The following ZNF319 variants were observed in gnomAD, a reference collection of about 807,000 sequenced individuals.
ZNF319 encodes zinc finger protein 319.
A neutral mutation model predicts 46.0 loss-of-function variants in ZNF319; 15 were observed. The observed-to-expected ratio is 0.33, with a 90% CI of 0.22 to 0.50. The LOEUF (loss-of-function observed/expected upper bound fraction) is 0.50, where lower values mean the gene tolerates loss of function less well. ZNF319 is among the 20% of genes least tolerant of loss of function. ZNF319 has a pLI of 0.98. For missense variants in ZNF319, 635 were observed against 807.0 expected (o/e 0.79, Z 2.58); for synonymous variants, 368 against 364.0 (o/e 1.01, Z -0.13).
In ZNF319 at chr16:57,996,625, G is replaced by A. The variant is rs544351076; in HGVS notation, c.1641C>T (p.Cys547=). The change falls in exon 2 of 2, where the codon TGC becomes TGT. Residue 547 remains cysteine (C), a synonymous_variant. Transcript: ENST00000299237. ...AGGCCACGTCTAGGAAGCGCTCCCCGCACCATACACACTTGAACTGCTGCT... is the reference window on the plus strand; with the variant it reads ...AGGCCACGTCTAGGAAGCGCTCCCCACACCATACACACTTGAACTGCTGCT... ...AREQQFKCVW[C]GERFLDVALL... 11 of 1,610,556 alleles carry A rather than the reference G, an allele frequency of 6.8e-6. No homozygotes were observed. The African/African-American group carries it at 1.1e-4, about 16-fold the overall frequency.
rs1362181238 is a variant in ZNF319, at chr16:57,996,718, G to A, written c.1548C>T (p.Cys516=). 2 of 1,611,348 alleles carry A rather than the reference G, an allele frequency of 1.2e-6. No homozygotes were observed. Among genetic ancestry groups the A allele is most frequent in the Non-Finnish European group, 1.7e-6 (2 of 1,178,832 alleles). ...RVHTGEKPYK[C]PNCDKAFKQR... ...GCTTGAAGGCCTTGTCGCAGTTGGG[G>A]CACTTGTAGGGCTTCTCGCCTGTGT... Residue 516 remains cysteine (C), a synonymous_variant, in exon 2 of 2, where the codon TGC becomes TGT. Coordinates refer to ENST00000299237, the MANE Select transcript of ZNF319 (RefSeq NM_020807.3).
In ZNF319 at chr16:57,997,464, T is replaced by C; in HGVS notation, c.802A>G (p.Lys268Glu). ...TGGCGCACCAGGTGAGAGCGGTGCT[T>C]GAAGGTCTTCTCGCAGACTGCGCAC... The part of the protein sequence containing the change: ...YKCAVCEKTF[K>E]HRSHLVRHMY... Residue 268 changes from lysine (K) to glutamate (E), a missense_variant, in exon 2 of 2, where the codon AAG becomes GAG. Lys to Glu is a moderately conservative substitution (Grantham distance 56). Coordinates refer to ENST00000299237, the MANE Select transcript of ZNF319 (RefSeq NM_020807.3). 2 of 1,613,616 alleles carry C rather than the reference T, an allele frequency of 1.2e-6. No homozygotes were observed. The highest frequency in any genetic ancestry group is 1.7e-6 in the Non-Finnish European group (2 of 1,179,924).
chr16:57,996,775 G>A lies in ZNF319; in HGVS notation c.1491C>T (p.Tyr497=), dbSNP rs372922346. 2 of 1,611,888 alleles carry A rather than the reference G, an allele frequency of 1.2e-6. No individual in the cohort carries two copies. The highest frequency in any genetic ancestry group is 1.1e-5 in the South Asian group (1 of 90,816). ...KCPDCEKRFK[Y]ASDLQRHRRV... ...GCCGGTGCCGCTGCAGGTCTGACGC[G>A]TACTTGAAGCGTTTCTCGCAGTCTG... Residue 497 remains tyrosine, a synonymous_variant, in exon 2 of 2, where the codon TAC becomes TAT. Transcript: ENST00000299237.
chr16:57,997,859 AC>A lies in ZNF319; in HGVS notation c.406del (p.Val136SerfsTer23). 1 of 1,613,028 alleles carries A rather than the reference AC, an allele frequency of 6.2e-7. No individual in the cohort carries two copies. ...QAEQKPFVCGVCKMGFSLLTS... is the reference protein window; with the variant it reads ...QAEQKPFVCGXCKMGFSLLTS... ...GAGTAGTGAGAAGCCCATCTTGCAGACCCCACAGACGAAGGGCTTCTGCTCA... is the reference window on the plus strand; with the variant it reads ...GAGTAGTGAGAAGCCCATCTTGCAGACCCACAGACGAAGGGCTTCTGCTCA... On this transcript the variant is annotated frameshift_variant, in exon 2 of 2. Transcript: ENST00000299237. LOFTEE classifies it high-confidence loss of function.
In ZNF319 at chr16:57,997,939, A is replaced by G. The variant is rs748007255; in HGVS notation, c.327T>C (p.Cys109=). The stretch of plus-strand genomic sequence containing the variant: ...CAGTGGCCTGGTGGAAGATCTTGAG[A>G]CACTGTGTGCACTGGAATGAGCGGT... ...GHDRSFQCTQ[C]LKIFHQATDL... The change falls in exon 2 of 2, where the codon TGT becomes TGC. Residue 109 remains cysteine, a synonymous_variant. Transcript: ENST00000299237. 7.4e-6 allele frequency: 12 copies of G among 1,613,538 alleles called. No homozygotes were observed. Among genetic ancestry groups the G allele is most frequent in the Non-Finnish European group, 1.0e-5 (12 of 1,180,030 alleles).
chr16:57,997,297 G>A lies in ZNF319; in HGVS notation c.969C>T (p.Ala323=), dbSNP rs1351526140. ...RPFRCGECQK[A]FKRPSDLRQH... is the part of the protein sequence containing the mutation. ...GCCGCAGGTCCGAGGGCCGCTTGAA[G>A]GCCTTCTGGCACTCGCCGCAGCGGA... The change falls in exon 2 of 2, where the codon GCC becomes GCT. Residue 323 remains alanine (A), a synonymous_variant. Transcript: ENST00000299237. 1 of 1,610,910 alleles carries A rather than the reference G, an allele frequency of 6.2e-7. No homozygotes were observed.
rs765476940 is a variant in ZNF319, at chr16:57,996,717, G to A, written c.1549C>T (p.Pro517Ser). 6.2e-7 allele frequency: 1 copy of A among 1,611,406 alleles called. No homozygotes were observed. Among genetic ancestry groups the A allele is most frequent in the Non-Finnish European group, 8.5e-7 (1 of 1,178,836 alleles). The change falls in exon 2 of 2, where the codon CCC (proline) becomes TCC (serine). Residue 517 changes from proline to serine, a missense_variant. Physicochemically the swap from Pro to Ser is moderately conservative, Grantham distance 74. This residue lies in a region of ZNF319 where 270 missense variants were observed against 281.4 expected (regional missense o/e 0.96). Coordinates refer to ENST00000299237, the MANE Select transcript of ZNF319 (RefSeq NM_020807.3). ...TGCTTGAAGGCCTTGTCGCAGTTGG[G>A]GCACTTGTAGGGCTTCTCGCCTGTG... The part of the protein sequence containing the change: ...VHTGEKPYKC[P>S]NCDKAFKQRE...
Position 57,997,203 on chromosome 16 carries a change from G to T in ZNF319, c.1063C>A (p.Gln355Lys). 6.2e-7 allele frequency: 1 copy of T among 1,613,156 alleles called. No individual in the cohort carries two copies. The change falls in exon 2 of 2, where the codon CAG becomes AAG. Residue 355 changes from glutamine to lysine, a missense_variant. Transcript: ENST00000299237. Reference sequence around the variant, plus strand: ...CGCCGGTGGCGCATCAGTGCGTACTGCTGCTTGAAGCCCATGGGGCACAGG... The same window carrying T: ...CGCCGGTGGCGCATCAGTGCGTACTTCTGCTTGAAGCCCATGGGGCACAGG... ...CDLCPMGFKQ[Q>K]YALMRHRRTH...
rs1456205126 is a variant in ZNF319, at chr16:57,996,606, C to T, written c.1660G>A (p.Val554Met). The T allele has an allele frequency of 1.9e-6, 3 of 1,607,136 alleles. No homozygotes were observed. The highest frequency in any genetic ancestry group is 2.2e-5 in the South Asian group (2 of 90,848). ...CVWCGERFLD[V>M]ALLQEHSAQH... ...GCGCTGTGCTCCTGCAACAAGGCCA[C>T]GTCTAGGAAGCGCTCCCCGCACCAT... Residue 554 changes from valine (V) to methionine (M), a missense_variant, in exon 2 of 2, where the codon GTG becomes ATG. By Grantham distance (21) the Val-to-Met change is conservative (BLOSUM62 1). Transcript: ENST00000299237.
Position 57,995,476 on chromosome 16 carries a change from T to TG in ZNF319, c.*1040dup, listed in dbSNP as rs533630959. ...AGCCACATTGATGTAGGGAGGGTAC[T>TG]GGGGGGGTCCCCACCCTGGCCTAGT... On this transcript the variant is annotated 3_prime_UTR_variant, in exon 2 of 2. Transcript: ENST00000299237. The TG allele has an allele frequency of 7.4e-4, 113 of 152,852 alleles. No homozygotes were observed. Among genetic ancestry groups the TG allele is most frequent in the Admixed American group, 5.4e-3 (83 of 15,310 alleles). 9.5% of individuals were successfully genotyped at this position (152,852 alleles called of 1,614,324 possible).
At position 57,996,831 on chromosome 16, in the gene ZNF319, C is replaced by T. The variant is rs764030023; in HGVS notation, c.1435G>A (p.Asp479Asn). ...SSSEFVQHRC[D>N]PAREKPLKCP... ...TTGAGTGGCTTCTCGCGGGCCGGAT[C>T]GCAGCGGTGCTGCACGAACTCGGAA... is the stretch of plus-strand genomic sequence containing the variant. The change falls in exon 2 of 2, where the codon GAT becomes AAT. Residue 479 changes from aspartate (D) to asparagine (N), a missense_variant. Physicochemically the swap from Asp to Asn is conservative, Grantham distance 23. Coordinates refer to ENST00000299237, the MANE Select transcript of ZNF319 (RefSeq NM_020807.3). 3.7e-6 allele frequency: 6 copies of T among 1,606,762 alleles called. No homozygotes were observed. In the African/African-American group the frequency reaches 4.0e-5, roughly 11 times the overall value.
rs1962993901 is a variant in ZNF319 at position 57,995,469 on chromosome 16, A to T, written c.*1048T>A. 6.5e-6 allele frequency: 1 copy of T among 152,692 alleles called. No homozygotes were observed. Among genetic ancestry groups the T allele is most frequent in the Non-Finnish European group, 1.5e-5 (1 of 68,126 alleles). 9.5% of individuals were successfully genotyped at this position (152,692 alleles called of 1,614,324 possible). On this transcript the variant is annotated 3_prime_UTR_variant, in exon 2 of 2. Coordinates refer to ENST00000299237, the MANE Select transcript of ZNF319 (RefSeq NM_020807.3). ...GGCCAGCAGCCACATTGATGTAGGG[A>T]GGGTACTGGGGGGGTCCCCACCCTG...
rs1374423091 is a variant in ZNF319 at position 57,995,557 on chromosome 16, G to A, written c.*960C>T. The A allele has an allele frequency of 1.3e-5, 2 of 152,826 alleles. No homozygotes were observed. Among genetic ancestry groups the A allele is most frequent in the Non-Finnish European group, 2.9e-5 (2 of 68,164 alleles). 9.5% of individuals were successfully genotyped at this position (152,826 alleles called of 1,614,324 possible). ...GACTGGGGCTGTGCCCCAAGCCCCT[G>A]ACGCTTTGGTTCACACAATTCAGGG... On this transcript the variant is annotated 3_prime_UTR_variant, in exon 2 of 2. Coordinates refer to ENST00000299237, the MANE Select transcript of ZNF319 (RefSeq NM_020807.3).
In ZNF319 at chr16:57,996,203, C is replaced by A. The variant is rs567202740; in HGVS notation, c.*314G>T. On this transcript the variant is annotated 3_prime_UTR_variant, in exon 2 of 2. Transcript: ENST00000299237. ...AGGGAGAAGCCACTTGACTTCCAGCCTGGCTCCAGTGCCCCGGAAATAAGG... is the reference window on the plus strand; with the variant it reads ...AGGGAGAAGCCACTTGACTTCCAGCATGGCTCCAGTGCCCCGGAAATAAGG... 53 of 395,750 alleles carry A rather than the reference C, an allele frequency of 1.3e-4. No individual in the cohort carries two copies. Among genetic ancestry groups the A allele is most frequent in the Non-Finnish European group, 1.3e-4 (29 of 222,682 alleles). The allele number at this position is 395,750 out of a possible 1,614,324, so 24.5% of individuals were successfully genotyped here.
chr16:57,997,659 T>C lies in ZNF319; in HGVS notation c.607A>G (p.Ser203Gly). The part of the protein sequence containing the change: ...TPAEQADKPY[S>G]CPICQKPFKH... ...AAGGGCTTTTGGCAGATGGGGCAGC[T>C]GTAGGGCTTGTCGGCCTGTTCAGCA... The change falls in exon 2 of 2, where the codon AGC becomes GGC. Residue 203 changes from serine (S) to glycine (G), a missense_variant. Ser to Gly is a moderately conservative substitution (Grantham distance 56). Transcript: ENST00000299237. 1 of 1,614,016 alleles carries C rather than the reference T, an allele frequency of 6.2e-7. No individual in the cohort carries two copies. Among genetic ancestry groups the C allele is most frequent in the Non-Finnish European group, 8.5e-7 (1 of 1,180,046 alleles).
rs1184673333 is a variant in ZNF319 at position 57,996,220 on chromosome 16, G to A, written c.*297C>T. 6.8e-6 allele frequency: 3 copies of A among 442,056 alleles called. No individual in the cohort carries two copies. The highest frequency in any genetic ancestry group is 1.2e-5 in the Non-Finnish European group (3 of 256,996). The allele number at this position is 442,056 out of a possible 1,614,324, so 27.4% of individuals were successfully genotyped here. ...CTTCCAGCCTGGCTCCAGTGCCCCG[G>A]AAATAAGGGGGGTGCTGATGGCTCT... is the stretch of plus-strand genomic sequence containing the variant. On this transcript the variant is annotated 3_prime_UTR_variant, in exon 2 of 2. Transcript: ENST00000299237.
At position 57,996,690 on chromosome 16, in the gene ZNF319, G is replaced by A; in HGVS notation, c.1576C>T (p.Arg526Trp). Residue 526 changes from arginine (R) to tryptophan (W), a missense_variant, in exon 2 of 2, where the codon CGG (arginine) becomes TGG (tryptophan). Physicochemically the swap from Arg to Trp is moderately radical, Grantham distance 101. Coordinates refer to ENST00000299237, the MANE Select transcript of ZNF319 (RefSeq NM_020807.3). Reference protein sequence around the residue: ...CPNCDKAFKQREHLNKHQGVH... With the variant: ...CPNCDKAFKQWEHLNKHQGVH... ...CCCTGGTGCTTGTTGAGATGCTCCCGCTGCTTGAAGGCCTTGTCGCAGTTG... is the reference window on the plus strand; with the variant it reads ...CCCTGGTGCTTGTTGAGATGCTCCCACTGCTTGAAGGCCTTGTCGCAGTTG... 1.9e-6 allele frequency: 3 copies of A among 1,613,250 alleles called. No individual in the cohort carries two copies. Among genetic ancestry groups the A allele is most frequent in the Non-Finnish European group, 1.7e-6 (2 of 1,179,970 alleles).
Position 57,998,210 on chromosome 16 carries a change from G to C in ZNF319, c.56C>G (p.Pro19Arg). The change falls in exon 2 of 2, where the codon CCG becomes CGG. Residue 19 changes from proline (P) to arginine (R), a missense_variant. Around this residue, in one of 3 missense-constraint regions of ZNF319, gnomAD observed 227 missense variants for 277.5 expected, o/e 0.82. Transcript: ENST00000299237. Reference protein sequence around the residue: ...PQTQPQQPQPPQPQHHAEPPP... With the variant: ...PQTQPQQPQPRQPQHHAEPPP... ...TGGCTCTGCATGGTGCTGAGGCTGC[G>C]GTGGCTGTGGCTGCTGCGGCTGCGT... is the stretch of plus-strand genomic sequence containing the variant. 6.5e-7 allele frequency: 1 copy of C among 1,537,140 alleles called. No individual in the cohort carries two copies. The highest frequency in any genetic ancestry group is 2.3e-5 in the East Asian group (1 of 44,144).
Position 57,996,480 on chromosome 16 carries a change from G to T in ZNF319, c.*37C>A. 6.8e-7 allele frequency: 1 copy of T among 1,469,432 alleles called. No individual in the cohort carries two copies. The highest frequency in any genetic ancestry group is 1.3e-5 in the South Asian group (1 of 74,484). 91.0% of individuals were successfully genotyped at this position (1,469,432 alleles called of 1,614,324 possible). A position where few individuals can be genotyped will look rare whatever the true frequency, so the allele number is the denominator to read the frequency against. Reference sequence around the variant, plus strand: ...CGAGGCCTGCTGGGCCCACGGCGCCGACTCAGGTCAGGCTGGTAGGGGCCA... The same window carrying T: ...CGAGGCCTGCTGGGCCCACGGCGCCTACTCAGGTCAGGCTGGTAGGGGCCA... On this transcript the variant is annotated 3_prime_UTR_variant, in exon 2 of 2. Coordinates refer to ENST00000299237, the MANE Select transcript of ZNF319 (RefSeq NM_020807.3).
Sources: allele counts gnomAD v4.1 joint callset, GRCh38; gene constraint gnomAD v4.1.1; regional missense constraint gnomAD v4.1.1; transcripts MANE v1.5; gene names NCBI Gene and HGNC (gene_info 2026-07-23, HGNC 2026-07-21).